SLC26A11: variants seen among roughly 807,000 people sequenced by gnomAD.
SLC26A11 encodes the protein sodium-independent sulfate anion transporter.
A neutral mutation model predicts 62.2 loss-of-function variants in SLC26A11; 58 were observed. The observed-to-expected ratio is 0.93, with a 90% CI of 0.76 to 1.16. SLC26A11 has a LOEUF of 1.16. Among genes scored for constraint, SLC26A11 ranks in the 50% most tolerant of loss-of-function variants. The probability of loss-of-function intolerance (pLI) is 0.00; values close to 1 mark genes in which losing one functional copy is unlikely to be tolerated. For synonymous variants in SLC26A11, 411 were observed against 368.9 expected, an observed-to-expected ratio of 1.11 and a Z score of -1.31; for missense variants, 790 against 794.3, an observed-to-expected ratio of 0.99 and a Z score of 0.06.
chr17:80,252,542 C>A lies in SLC26A11; in HGVS notation c.1730-83C>A. ...GCACACCTTCCAGGACTCTGGAAGG[C>A]CCTCCTTAATCCCTTCCTGTGAACT... On this transcript the variant is annotated intron_variant, in intron 17 of 17. Coordinates refer to ENST00000361193, the MANE Select transcript of SLC26A11 (RefSeq NM_001166347.2). The surrounding 1 kb of genome is among the most constrained non-coding windows in gnomAD (Gnocchi z 5.2). 7.6e-7 allele frequency: 1 copy of A among 1,308,200 alleles called. No individual in the cohort carries two copies. The highest frequency in any genetic ancestry group is 1.1e-6 in the Non-Finnish European group (1 of 927,058). 81.0% of individuals were successfully genotyped at this position (1,308,200 alleles called of 1,614,324 possible). A position where few individuals can be genotyped will look rare whatever the true frequency, so the allele number is the denominator to read the frequency against.
At chr17:80,234,129 C>G (rs943850990) in intron 7 of SLC26A11, among the ~76,000 whole-genome samples, 1 of 152,160 alleles carries the variant, frequency 6.6e-6, no homozygotes, top group African/African-American at 2.4e-5. Flanking sequence ...CTCAGCCTCC[C>G]AGGTAGATGG....
Position 80,245,210 on chromosome 17 carries a change from T to A in SLC26A11, c.1051T>A (p.Leu351Met). The change falls in exon 11 of 18, where the codon TTG becomes ATG. Residue 351 changes from leucine to methionine, a missense_variant. Physicochemically the swap from Leu to Met is conservative, Grantham distance 15 (BLOSUM62 2). Transcript: ENST00000361193. ...ELLAIGLTNM[L>M]GSLVSSYPVT... ...CTCCTCCCCAGGTCTCACCAACATG[T>A]TGGGCTCCCTCGTCTCCTCCTACCC... 6.2e-7 allele frequency: 1 copy of A among 1,613,916 alleles called. No individual in the cohort carries two copies. The highest frequency in any genetic ancestry group is 2.2e-5 in the East Asian group (1 of 44,846).
chr17:80,249,165 C>T lies in SLC26A11; in HGVS notation c.1534C>T (p.Arg512Cys), dbSNP rs376649818. Residue 512 changes from arginine to cysteine, a missense_variant, in exon 16 of 18, where the codon CGC becomes TGC. Arg to Cys is a radical substitution (Grantham distance 180). Coordinates refer to ENST00000361193, the MANE Select transcript of SLC26A11 (RefSeq NM_001166347.2). The part of the protein sequence containing the change: ...LSRALEVSPP[R>C]CLVLECTHVC... The stretch of plus-strand genomic sequence containing the variant: ...GCCTGTCTCCCCAGTGTCCCCGCCA[C>T]GCTGCCTGGTCCTGGAGTGCACCCA... 71 of 1,607,888 alleles carry T rather than the reference C, an allele frequency of 4.4e-5. No homozygotes were observed. In the African/African-American group the frequency reaches 5.5e-4, roughly 12 times the overall value.
chr17:80,226,199 C>G (rs2042405678), intron 6 of SLC26A11, among the ~76,000 whole-genome samples: 1 of 152,164 alleles, frequency 6.6e-6, no homozygotes, highest in Non-Finnish European at 1.5e-5. Context: ...ATGTTCCTCT[C>G]TCCACAAAGC....
intron 10 of SLC26A11, among the ~76,000 whole-genome samples, chr17:80,242,136 A>G (rs1428786709): frequency 1.3e-5 from 2 of 152,038 alleles, no homozygotes; most frequent in Non-Finnish European, 2.9e-5. Context: ...GCCACCATGC[A>G]TGGCTAATTT....
At chr17:80,227,984 T>C (rs6565653) in intron 7 of SLC26A11, 24 bp downstream of exon 7, 1 of 1,592,852 alleles carries the variant, frequency 6.3e-7, no homozygotes. Context: ...GGCTGACATC[T>C]TATGCAACCT....
In SLC26A11 at chr17:80,220,453, A is replaced by G. The variant is rs1455812813; in HGVS notation, c.-257A>G. The G allele has an allele frequency of 2.5e-6, 2 of 798,540 alleles. No individual in the cohort carries two copies. The highest frequency in any genetic ancestry group is 1.8e-5 in the African/African-American group (1 of 54,448). 49.5% of individuals were successfully genotyped at this position (798,540 alleles called of 1,614,324 possible). On this transcript the variant is annotated 5_prime_UTR_variant, in exon 1 of 18. Transcript: ENST00000361193. The stretch of plus-strand genomic sequence containing the variant: ...TGTCCCCGGCGATTCCTGCGGACCC[A>G]GCTGCGGCGACGCCAGGAGACCCCA...
chr17:80,239,451 G>A lies in SLC26A11; in HGVS notation c.985+1857G>A, dbSNP rs548458334. Among the ~76,000 whole-genome samples the A allele has an allele frequency of 3.7e-4, 55 of 150,180 alleles. 1 individual carries two copies. The South Asian group carries it at 4.0e-3, about 11-fold the overall frequency. ...GTCGCCCAGGCTGGAGTGCAGTGGC[G>A]TGATCTCGGCTCACTGCAAGCTCCG... On this transcript the variant is annotated intron_variant, in intron 9 of 17. Transcript: ENST00000361193.
chr17:80,240,095 C>A (rs142478962), intron 9 of SLC26A11, among the ~76,000 whole-genome samples: 1 of 152,172 alleles, frequency 6.6e-6, no homozygotes. Context: ...CAGCTGGGTG[C>A]GGTGGCACAC....
At chr17:80,230,384 G>A (rs576507859) in intron 7 of SLC26A11, among the ~76,000 whole-genome samples, 4 of 152,138 alleles carry the variant, frequency 2.6e-5, no homozygotes, top group Non-Finnish European at 2.9e-5. Context: ...AGCATGCCAC[G>A]TAGGGCCATG....
intron 7 of SLC26A11, among the ~76,000 whole-genome samples, chr17:80,231,664 C>G (rs1291316418): frequency 6.6e-6 from 1 of 152,158 alleles, no homozygotes; most frequent in Non-Finnish European, 1.5e-5. Flanking sequence ...TCTCCTTTGA[C>G]CTGTGGATTA....
In SLC26A11 at chr17:80,222,012, G is replaced by A; in HGVS notation, c.234+218G>A. On this transcript the variant is annotated intron_variant, in intron 3 of 17. Coordinates refer to ENST00000361193, the MANE Select transcript of SLC26A11 (RefSeq NM_001166347.2). This position sits in a 1 kb window ranked among gnomAD's most constrained non-coding sequence, Gnocchi z 4.7. ...GAGCTGGTTATGGAGGGGCCAGCGA[G>A]ATGACTCATGGAGGCCTCAGGAGTT... 1 of 559,134 alleles carries A rather than the reference G, an allele frequency of 1.8e-6. No homozygotes were observed. The highest frequency in any genetic ancestry group is 2.5e-5 in the South Asian group (1 of 39,916). 34.6% of individuals were successfully genotyped at this position (559,134 alleles called of 1,614,324 possible).
In SLC26A11 at chr17:80,221,804, C is replaced by T; in HGVS notation, c.234+10C>T. 6.2e-7 allele frequency: 1 copy of T among 1,603,126 alleles called. No homozygotes were observed. The highest frequency in any genetic ancestry group is 8.5e-7 in the Non-Finnish European group (1 of 1,177,040). On this transcript the variant is annotated intron_variant, in intron 3 of 17. Coordinates refer to ENST00000361193, the MANE Select transcript of SLC26A11 (RefSeq NM_001166347.2). ...TGGACTCCCGCCCCAGGTGAGGCGT[C>T]TGACCCTGCTGCCAGCCATATCTCA...
rs373645517 is a variant in SLC26A11 at position 80,236,903 on chromosome 17, G to A, written c.737-25G>A. 462 of 1,594,008 alleles carry A rather than the reference G, an allele frequency of 2.9e-4. 1 individual carries two copies. Among genetic ancestry groups the A allele is most frequent in the East Asian group, 2.2e-3 (99 of 44,372 alleles). ...CCACACTCGCCGGGAGCAGGGTCTC[G>A]GACGCACCTCTCCTTCTCTCCTAGC... is the stretch of plus-strand genomic sequence containing the variant. On this transcript the variant is annotated intron_variant, in intron 7 of 17. Coordinates refer to ENST00000361193, the MANE Select transcript of SLC26A11 (RefSeq NM_001166347.2).
At position 80,222,518 on chromosome 17, in the gene SLC26A11, A is replaced by G. The variant is rs1278234216; in HGVS notation, c.235-137A>G. On this transcript the variant is annotated intron_variant, in intron 3 of 17. Transcript: ENST00000361193. This position sits in a 1 kb window ranked among gnomAD's most constrained non-coding sequence, Gnocchi z 4.7. Reference sequence around the variant, plus strand: ...CCTCCTGATCACTGCAGGTCCACCCACAGGGCAGGGCGGTGCACCTTTAAC... The same window carrying G: ...CCTCCTGATCACTGCAGGTCCACCCGCAGGGCAGGGCGGTGCACCTTTAAC... The G allele has an allele frequency of 5.7e-6, 5 of 883,216 alleles. No individual in the cohort carries two copies. The highest frequency in any genetic ancestry group is 2.5e-5 in the Admixed American group (1 of 39,794). The allele number at this position is 883,216 out of a possible 1,614,324, so 54.7% of individuals were successfully genotyped here.
chr17:80,225,480 T>G, intron 5 of SLC26A11: 2 of 229,146 alleles, frequency 8.7e-6, no homozygotes, highest in Non-Finnish European at 1.7e-5. Flanking sequence ...CTGGAGCCAA[T>G]GGGGGTGGGG....
chr17:80,233,127 T>G (rs1249931165), intron 7 of SLC26A11, among the ~76,000 whole-genome samples: 1 of 148,624 alleles, frequency 6.7e-6, no homozygotes, highest in Non-Finnish European at 1.5e-5. Flanking sequence ...TGCATGCCTG[T>G]AATCCCAGCT....
intron 6 of SLC26A11, 103 bp downstream of exon 6, chr17:80,226,019 C>A: frequency 9.7e-7 from 1 of 1,031,048 alleles, no homozygotes; most frequent in Non-Finnish European, 1.5e-6. Flanking sequence ...ACTGCTCAAA[C>A]AGGGGTCCCC....
Position 80,221,005 on chromosome 17 carries a change from C to G in SLC26A11, c.-124C>G, listed in dbSNP as rs1001011996. 1 of 152,922 alleles carries G rather than the reference C, an allele frequency of 6.5e-6. No individual in the cohort carries two copies. The highest frequency in any genetic ancestry group is 1.5e-5 in the Non-Finnish European group (1 of 68,606). The allele number at this position is 152,922 out of a possible 1,614,324, so 9.5% of individuals were successfully genotyped here. ...AGCGGAGGACCCCCCCACTCTCCCTCGAGCGCCGCAGTCCACCGTAGCGGG... is the reference window on the plus strand; with the variant it reads ...AGCGGAGGACCCCCCCACTCTCCCTGGAGCGCCGCAGTCCACCGTAGCGGG... On this transcript the variant is annotated 5_prime_UTR_variant, in exon 2 of 18. Coordinates refer to ENST00000361193, the MANE Select transcript of SLC26A11 (RefSeq NM_001166347.2).
Sources: allele counts gnomAD v4.1 joint callset (sites outside exome capture counted in the v4.1 genomes callset), GRCh38; gene constraint gnomAD v4.1.1; non-coding constraint Gnocchi (gnomAD v3.1); transcripts MANE v1.5; gene names NCBI Gene and HGNC (gene_info 2026-07-23, HGNC 2026-07-21).